Variants in TPR observed in about 807,000 individuals in gnomAD.
TPR encodes nucleoprotein TPR.
Under a neutral mutation model 316.1 loss-of-function variants are expected in TPR, and 51 were observed. That is an observed-to-expected ratio of 0.16 (90% CI 0.13 to 0.20). The LOEUF (loss-of-function observed/expected upper bound fraction) is 0.20, where lower values mean the gene tolerates loss of function less well. Ranked by LOEUF, TPR falls within the 10% of genes least tolerant of loss-of-function variation. TPR has a pLI of 1.00. For missense variants in TPR, 2,272 were observed against 2,754.8 expected (o/e 0.82, Z 3.92); for synonymous variants, 981 against 914.7 (o/e 1.07, Z -1.31).
At chr1:186,373,249 C>T in intron 2 of TPR, 110 bp downstream of exon 2, 4 of 649,520 alleles carry the variant, frequency 6.2e-6, no homozygotes, top group South Asian at 6.4e-5. Flanking sequence ...ACCAATGATG[C>T]TTAATCAATA....
At chr1:186,353,954 G>C (rs1658948554) in intron 17 of TPR, 104 bp from the exon 18 acceptor site, 5 of 1,007,920 alleles carry the variant, frequency 5.0e-6, no homozygotes, top group Non-Finnish European at 7.2e-6. Flanking sequence ...AATGCCCTGA[G>C]AATATTGTCT....
intron 1 of TPR, among the ~76,000 whole-genome samples, chr1:186,374,674 G>A (rs1659650730): frequency 6.6e-6 from 1 of 152,144 alleles, no homozygotes; most frequent in Admixed American, 6.5e-5. Flanking sequence ...CAAAGAAAAT[G>A]CTACTGAACT....
At chr1:186,325,949 C>A in intron 41 of TPR, 95 bp from the exon 42 acceptor site, 2 of 1,555,596 alleles carry the variant, frequency 1.3e-6, no homozygotes, top group South Asian at 2.4e-5. Flanking sequence ...ACAACAAAAA[C>A]AAATAAGTAA....
At position 186,350,258 on chromosome 1, in the gene TPR, T is replaced by C. The variant is rs760366757; in HGVS notation, c.2741A>G (p.Gln914Arg). The change falls in exon 21 of 51, where the codon CAA becomes CGA. Residue 914 changes from glutamine to arginine, a missense_variant. Transcript: ENST00000367478. Reference sequence around the variant, plus strand: ...TCTCTGTGAAGACTGAGAAGCAACTTGGACTTCCATATTACTGAGGTGCTG... The same window carrying C: ...TCTCTGTGAAGACTGAGAAGCAACTCGGACTTCCATATTACTGAGGTGCTG... ...LKQHLSNMEV[Q>R]VASQSSQRTG... 3.1e-6 allele frequency: 5 copies of C among 1,612,612 alleles called. No homozygotes were observed. In the South Asian group the frequency reaches 3.3e-5, roughly 11 times the overall value.
At chr1:186,352,499 T>C (rs992162352) in intron 18 of TPR, among the ~76,000 whole-genome samples, 1 of 152,212 alleles carries the variant, frequency 6.6e-6, no homozygotes, top group African/African-American at 2.4e-5. Context: ...AGTACCTGTT[T>C]AAAAGTGATG....
chr1:186,345,628 G>A lies in TPR; in HGVS notation c.3165C>T (p.Ser1055=). 6.2e-7 allele frequency: 1 copy of A among 1,613,538 alleles called. No homozygotes were observed. Among genetic ancestry groups the A allele is most frequent in the Non-Finnish European group, 8.5e-7 (1 of 1,179,780 alleles). ...CTTGCTGCTCATTACTTAAAGCTGT[G>A]CTTGCTCTCTGAAGAGCTTCTTGTA... ...NEVQEALQRA[S]TALSNEQQAR... Residue 1055 remains serine (S), a synonymous_variant, in exon 24 of 51, where the codon AGC becomes AGT. Transcript: ENST00000367478.
intron 17 of TPR, chr1:186,354,051 T>C: frequency 2.2e-6 from 1 of 452,222 alleles, no homozygotes; most frequent in Non-Finnish European, 3.8e-6. Flanking sequence ...TATTTTATTT[T>C]CACACTGAAA....
intron 46 of TPR, among the ~76,000 whole-genome samples, chr1:186,320,049 G>A (rs1320324023): frequency 6.6e-6 from 1 of 151,950 alleles, no homozygotes; most frequent in Non-Finnish European, 1.5e-5. Flanking sequence ...CTTAAACTAC[G>A]TGTATGACAT....
chr1:186,338,944 A>G lies in TPR; in HGVS notation c.4151+698T>C, dbSNP rs143717577. Among the ~76,000 whole-genome samples the G allele has an allele frequency of 2.9e-3, 440 of 152,316 alleles. 1 individual carries two copies. Among genetic ancestry groups the G allele is most frequent in the Non-Finnish European group, 4.0e-3 (275 of 68,026 alleles). On this transcript the variant is annotated intron_variant, in intron 30 of 50. Transcript: ENST00000367478. Reference sequence around the variant, plus strand: ...ACTTAACATGCTAGATGATTGCTATAAAGAGAATGTACGTATATATATCAC... The same window carrying G: ...ACTTAACATGCTAGATGATTGCTATGAAGAGAATGTACGTATATATATCAC...
Position 186,315,213 on chromosome 1 carries a change from A to AAAAC in TPR, c.6941-493_6941-490dup, listed in dbSNP as rs553610509. Among the ~76,000 whole-genome samples the AAAAC allele has an allele frequency of 3.1e-4, 47 of 150,552 alleles. 2 individuals carry two copies. Among genetic ancestry groups the AAAAC allele is most frequent in the African/African-American group, 9.7e-4 (39 of 40,238 alleles). On this transcript the variant is annotated intron_variant, in intron 49 of 50. Transcript: ENST00000367478. ...CAGACCAAGGCCCTGTCTCAAAAAA[A>AAAAC]AAACAAACAAACAAACAAAAAAAAA...
chr1:186,356,494 A>C, intron 14 of TPR, 45 bp from the exon 15 acceptor site: 11 of 1,522,768 alleles, frequency 7.2e-6, no homozygotes, highest in Non-Finnish European at 9.8e-6. Flanking sequence ...ACTGAGAGTT[A>C]ACTGATTGTA....
At chr1:186,345,114 T>C (rs976585820) in intron 24 of TPR, among the ~76,000 whole-genome samples, 14 of 131,164 alleles carry the variant, frequency 1.1e-4, no homozygotes, top group African/African-American at 3.6e-4. Context: ...TTCAATACTG[T>C]GTGCACATAC....
chr1:186,361,598 G>A, intron 9 of TPR, 24 bp downstream of exon 9: 1 of 1,568,988 alleles, frequency 6.4e-7, no homozygotes, highest in Non-Finnish European at 8.7e-7. Flanking sequence ...CAAAAATAAT[G>A]TTCCCATAAC....
intron 32 of TPR, 64 bp from the exon 33 acceptor site, chr1:186,336,758 A>G (rs1658351424): frequency 6.7e-7 from 1 of 1,493,804 alleles, no homozygotes; most frequent in Non-Finnish European, 9.1e-7. Flanking sequence ...TGTATGTGGT[A>G]GCAACTTAAA....
At position 186,334,490 on chromosome 1, in the gene TPR, G is replaced by A; in HGVS notation, c.5017C>T (p.Pro1673Ser). The A allele has an allele frequency of 6.2e-7, 1 of 1,613,682 alleles. No homozygotes were observed. The highest frequency in any genetic ancestry group is 8.5e-7 in the Non-Finnish European group (1 of 1,179,704). Residue 1673 changes from proline (P) to serine (S), a missense_variant, in exon 36 of 51, where the codon CCT becomes TCT. Physicochemically the swap from Pro to Ser is moderately conservative, Grantham distance 74. This residue lies in a region of TPR where 109 missense variants were observed against 215.3 expected (regional missense o/e 0.51). Transcript: ENST00000367478. ...ACTTTACTTGGAGTAGACACAACAG[G>A]AGTTGGCTTGATATTGGCTGTTGGT... The part of the protein sequence containing the change: ...DPPTANIKPT[P>S]VVSTPSKVTA...
chr1:186,342,475 C>T (rs1658539325), intron 27 of TPR: 1 of 152,170 alleles, frequency 6.6e-6, no homozygotes, highest in Non-Finnish European at 1.5e-5. Flanking sequence ...GTCCCTTTTC[C>T]TCCAAGTATT....
In TPR at chr1:186,375,165, C is replaced by G; in HGVS notation, c.-137G>C. ...CGGTGGCTCGCGCGCGCCCGCCCGCCGGAGACTCCCGCGGCGGGACCCTGG... is the reference window on the plus strand; with the variant it reads ...CGGTGGCTCGCGCGCGCCCGCCCGCGGGAGACTCCCGCGGCGGGACCCTGG... On this transcript the variant is annotated 5_prime_UTR_variant, in exon 1 of 51. Coordinates refer to ENST00000367478, the MANE Select transcript of TPR (RefSeq NM_003292.3). The G allele has an allele frequency of 6.5e-7, 1 of 1,541,820 alleles. No individual in the cohort carries two copies. Among genetic ancestry groups the G allele is most frequent in the Non-Finnish European group, 8.7e-7 (1 of 1,143,000 alleles).
intron 23 of TPR, 131 bp downstream of exon 23, chr1:186,346,004 T>C: frequency 9.6e-7 from 1 of 1,041,024 alleles, no homozygotes; most frequent in East Asian, 2.5e-5. Flanking sequence ...GAGTAAAACA[T>C]AAAACTAAAA....
At chr1:186,338,740 T>C (rs1207373951) in intron 30 of TPR, among the ~76,000 whole-genome samples, 4 of 152,232 alleles carry the variant, frequency 2.6e-5, no homozygotes, top group Non-Finnish European at 5.9e-5. Context: ...ACATTTGGTC[T>C]ATGGGCTACA....
Sources: gnomAD v4.1 joint callset for allele counts (sites outside exome capture counted in the v4.1 genomes callset) on GRCh38, gnomAD v4.1.1 for gene constraint, gnomAD v4.1.1 regional missense constraint, MANE v1.5 for transcripts, NCBI Gene and HGNC (gene_info 2026-07-23, HGNC 2026-07-21) for gene names.